UNC13B: variants seen among roughly 807,000 people sequenced by gnomAD.
The protein encoded by UNC13B is protein unc-13 homolog B.
In UNC13B, 144 loss-of-function variants were observed where a neutral mutation model predicts 211.0. The ratio of observed to expected loss-of-function variants is 0.68; its 90% CI spans 0.60 to 0.78. The LOEUF is 0.78. Among genes scored for constraint, UNC13B ranks in the 30% least tolerant of loss-of-function variants. The pLI is 0.00. For synonymous variants in UNC13B, 709 were observed against 725.8 expected (o/e 0.98, Z 0.37); for missense variants, 1,777 against 2,002.0 (o/e 0.89, Z 2.14).
intron 11 of UNC13B, among the ~76,000 whole-genome samples, chr9:35,340,739 G>T (rs1405192024): frequency 6.6e-6 from 1 of 152,184 alleles, no homozygotes; most frequent in African/African-American, 2.4e-5. Flanking sequence ...GACTTCACTG[G>T]ATTGTTACTG....
Position 35,162,052 on chromosome 9 carries a change from G to C in UNC13B, c.-232G>C. The C allele has an allele frequency of 5.2e-6, 3 of 573,338 alleles. No homozygotes were observed. The highest frequency in any genetic ancestry group is 9.0e-6 in the Non-Finnish European group (3 of 334,734). The allele number at this position is 573,338 out of a possible 1,614,324, so 35.5% of individuals were successfully genotyped here. ...CTCCCAGCGATGGCGTCGCTGTGCC[G>C]CGCCCAGTCCCCAGCCTGCCGGCCG... On this transcript the variant is annotated 5_prime_UTR_variant, in exon 1 of 40. Transcript: ENST00000635942.
At chr9:35,395,548 T>A (rs1316228823) in intron 26 of UNC13B, among the ~76,000 whole-genome samples, 1 of 152,232 alleles carries the variant, frequency 6.6e-6, no homozygotes, top group Non-Finnish European at 1.5e-5. Flanking sequence ...AGTGGCCTTC[T>A]CTTCTCTGCT....
At chr9:35,311,390 G>A (rs2131864044) in intron 10 of UNC13B, among the ~76,000 whole-genome samples, 1 of 152,328 alleles carries the variant, frequency 6.6e-6, no homozygotes, top group Non-Finnish European at 1.5e-5. Context: ...ACTGACTTGA[G>A]CCAGGTTATT....
chr9:35,361,523 A>G (rs1203803905), intron 11 of UNC13B: 2 of 152,200 alleles, frequency 1.3e-5, no homozygotes, highest in Admixed American at 1.3e-4. Flanking sequence ...CTAAGTCCTG[A>G]AAGTTATAGT....
intron 1 of UNC13B, among the ~76,000 whole-genome samples, chr9:35,171,619 G>A (rs1421406302): frequency 6.6e-6 from 1 of 152,148 alleles, no homozygotes; most frequent in Non-Finnish European, 1.5e-5. Context: ...GCCCAGGCTG[G>A]TGTCGAACTC....
chr9:35,179,281 C>T (rs10814211), intron 1 of UNC13B, among the ~76,000 whole-genome samples: 84,257 of 151,836 alleles, frequency 0.55, 23,648 homozygotes, highest in South Asian at 0.6. Flanking sequence ...AGGATATATT[C>T]GTGGACAGCA....
chr9:35,296,957 A>ATG (rs1389194530), intron 8 of UNC13B, among the ~76,000 whole-genome samples: 2 of 152,030 alleles, frequency 1.3e-5, no homozygotes, highest in Non-Finnish European at 2.9e-5. Context: ...AATGTTCTGT[A>ATG]TGTATATTTG....
chr9:35,385,073 T>C (rs920399262), intron 22 of UNC13B: 14 of 985,446 alleles, frequency 1.4e-5, no homozygotes, highest in South Asian at 9.4e-5. Context: ...TAAGTAGCCA[T>C]TTGAAGGTTT....
Position 35,307,803 on chromosome 9 carries a change from G to A in UNC13B, c.8399G>A (p.Arg2800Lys), listed in dbSNP as rs1829999121. 2.5e-6 allele frequency: 1 copy of A among 398,902 alleles called. No individual in the cohort carries two copies. The highest frequency in any genetic ancestry group is 1.3e-4 in the South Asian group (1 of 7,852). 24.7% of individuals were successfully genotyped at this position (398,902 alleles called of 1,614,324 possible). A position where few individuals can be genotyped will look rare whatever the true frequency, so the allele number is the denominator to read the frequency against. The change falls in exon 9 of 40, where the codon AGA (arginine) becomes AAA (lysine). Residue 2800 changes from arginine (R) to lysine (K), a missense_variant. Arg to Lys is a conservative substitution (Grantham distance 26). Coordinates refer to ENST00000635942, the MANE Select transcript of UNC13B (RefSeq NM_001371189.2). ...TCCTCACCTCTCCCCTCTGGCAATA[G>A]AGCAGCAGAGACTGGTTTAATGTCC... is the stretch of plus-strand genomic sequence containing the variant. ...FFSSPLPSGN[R>K]AAETGLMSSF...
At position 35,306,905 on chromosome 9, in the gene UNC13B, G is replaced by A. The variant is rs1038943400; in HGVS notation, c.7501G>A (p.Val2501Ile). ...CTCCTTTTTCTCTCTTGCTTCTGAT[G>A]TATCATCTCAGCCCCTCAAAGGTGA... is the stretch of plus-strand genomic sequence containing the variant. Reference protein sequence around the residue: ...KNSFFSLASDVSSQPLKGELF... With the variant: ...KNSFFSLASDISSQPLKGELF... Residue 2501 changes from valine (V) to isoleucine (I), a missense_variant, in exon 9 of 40, where the codon GTA becomes ATA. By Grantham distance (29) the Val-to-Ile change is conservative. Coordinates refer to ENST00000635942, the MANE Select transcript of UNC13B (RefSeq NM_001371189.2). The A allele has an allele frequency of 5.0e-6, 2 of 398,954 alleles. No homozygotes were observed. Among genetic ancestry groups the A allele is most frequent in the Non-Finnish European group, 8.8e-6 (2 of 226,048 alleles). 24.7% of individuals were successfully genotyped at this position (398,954 alleles called of 1,614,324 possible).
intron 11 of UNC13B, among the ~76,000 whole-genome samples, chr9:35,331,983 A>G (rs114295593): frequency 0.013 from 1,975 of 151,322 alleles, 46 homozygotes; most frequent in African/African-American, 0.046. Flanking sequence ...GTAGGCTTCC[A>G]ACTAGCCTTT....
At chr9:35,240,297 A>G (rs1246033377) in intron 5 of UNC13B, among the ~76,000 whole-genome samples, 1 of 152,068 alleles carries the variant, frequency 6.6e-6, no homozygotes, top group Admixed American at 6.6e-5. Flanking sequence ...TTAATTTTTT[A>G]CTGTTCATAT....
At chr9:35,202,320 T>G (rs1424362126) in intron 1 of UNC13B, among the ~76,000 whole-genome samples, 1 of 152,180 alleles carries the variant, frequency 6.6e-6, no homozygotes, top group Non-Finnish European at 1.5e-5. Context: ...TTCTGTTGAT[T>G]TGAGGTGGAG....
At chr9:35,297,561 T>TTGTTTTTTTG (rs1554698740) in intron 8 of UNC13B, among the ~76,000 whole-genome samples, 7 of 128,232 alleles carry the variant, frequency 5.5e-5, no homozygotes, top group Non-Finnish European at 1.2e-4. Flanking sequence ...TTTTTTTTTT[T>TTGTTTTTTTG]TTTTTTGAGA....
At chr9:35,245,504 C>T (rs1027927266) in intron 6 of UNC13B, among the ~76,000 whole-genome samples, 23 of 123,226 alleles carry the variant, frequency 1.9e-4, no homozygotes, top group African/African-American at 6.4e-4. Flanking sequence ...CCCCCCTCCC[C>T]CCACCCCACA....
chr9:35,358,479 GT>G (rs199979959), intron 11 of UNC13B, among the ~76,000 whole-genome samples: 3 of 151,592 alleles, frequency 2.0e-5, no homozygotes, highest in African/African-American at 4.8e-5. Flanking sequence ...TTTCTGTTTT[GT>G]TTTTTTTAAG....
intron 1 of UNC13B, among the ~76,000 whole-genome samples, chr9:35,198,735 G>A (rs1336348590): frequency 2.0e-5 from 3 of 152,108 alleles, no homozygotes; most frequent in Non-Finnish European, 2.9e-5. Context: ...GACAGTGAAG[G>A]CCAGGCTGAG....
chr9:35,401,681 G>A (rs1240543286), intron 37 of UNC13B, among the ~76,000 whole-genome samples: 1 of 152,174 alleles, frequency 6.6e-6, no homozygotes, highest in East Asian at 1.9e-4. Context: ...CCTGTCTCTT[G>A]TCCTGCTTGT....
rs373298366 is a variant in UNC13B, at chr9:35,250,385, C to T, written c.468+7021C>T. 1.7e-3 allele frequency among the ~76,000 whole-genome samples: 258 copies of T among 152,246 alleles called. 1 individual carries two copies. Among genetic ancestry groups the T allele is most frequent in the African/African-American group, 6.0e-3 (251 of 41,526 alleles). On this transcript the variant is annotated intron_variant, in intron 6 of 39. Transcript: ENST00000635942. Reference sequence around the variant, plus strand: ...CTAATCAACCTTCTGTCTCTATGGACCTATTCTGTGCATTTCATATAAATG... The same window carrying T: ...CTAATCAACCTTCTGTCTCTATGGATCTATTCTGTGCATTTCATATAAATG...
Sources: allele counts gnomAD v4.1 joint callset (sites outside exome capture counted in the v4.1 genomes callset), GRCh38; gene constraint gnomAD v4.1.1; transcripts MANE v1.5; gene names NCBI Gene and HGNC (gene_info 2026-07-23, HGNC 2026-07-21).